Variants in CR1 observed in about 807,000 individuals in gnomAD.
The protein encoded by CR1 is complement receptor type 1.
A neutral mutation model predicts 187.3 loss-of-function variants in CR1; 116 were observed. The observed-to-expected ratio is 0.62, with a 90% CI of 0.53 to 0.72. The LOEUF (loss-of-function observed/expected upper bound fraction) is 0.72. CR1 is among the 30% of genes least tolerant of loss of function. The pLI is 0.00. For synonymous variants in CR1, 576 were observed against 747.1 expected, an observed-to-expected ratio of 0.77 and a Z score of 3.73; for missense variants, 1,731 against 2,110.7, an observed-to-expected ratio of 0.82 and a Z score of 3.52.
At chr1:207,508,911 T>C (rs11117949) in intron 3 of CR1, among the ~76,000 whole-genome samples, 29,112 of 152,100 alleles carry the variant, frequency 0.19, 3,117 homozygotes, top group South Asian at 0.44. Context: ...TGTCTCTGCC[T>C]ATGTAAGTGA....
chr1:207,574,239 G>C (rs1558239255), intron 27 of CR1, among the ~76,000 whole-genome samples: 2 of 152,154 alleles, frequency 1.3e-5, no homozygotes, highest in Non-Finnish European at 2.9e-5. Flanking sequence ...GCCATCACTA[G>C]GGAAACTTCT....
At position 207,639,637 on chromosome 1, in the gene CR1, C is replaced by T. The variant is rs1028781140; in HGVS notation, c.*228C>T. The T allele has an allele frequency of 2.6e-5, 13 of 496,262 alleles. No individual in the cohort carries two copies. The highest frequency in any genetic ancestry group is 5.3e-4 in the Middle Eastern group (1 of 1,898). The allele number at this position is 496,262 out of a possible 1,614,324, so 30.7% of individuals were successfully genotyped here. A position where few individuals can be genotyped will look rare whatever the true frequency, so the allele number is the denominator to read the frequency against. ...CCACCCTTCTGCCTCGTGCTAAACG[C>T]ACACAGTATCTAGTCAGGGGAAAAG... On this transcript the variant is annotated 3_prime_UTR_variant, in exon 47 of 47. Coordinates refer to ENST00000367049, the MANE Select transcript of CR1 (RefSeq NM_000651.6).
chr1:207,615,419 C>T (rs1050776475), intron 40 of CR1, among the ~76,000 whole-genome samples: 6 of 152,002 alleles, frequency 3.9e-5, no homozygotes, highest in South Asian at 2.1e-4. Flanking sequence ...TAAATTAGTA[C>T]GATGGAAGGA....
At chr1:207,515,676 C>A (rs1457684576) in intron 4 of CR1, among the ~76,000 whole-genome samples, 1 of 152,018 alleles carries the variant, frequency 6.6e-6, no homozygotes, top group Non-Finnish European at 1.5e-5. Context: ...ATCTTGAGTA[C>A]CTTTTCACGT....
intron 4 of CR1, among the ~76,000 whole-genome samples, chr1:207,513,734 T>TCTC (rs1424825610): frequency 1.7e-5 from 1 of 58,260 alleles, no homozygotes; most frequent in African/African-American, 8.8e-5. Flanking sequence ...CTCCCTCCTT[T>TCTC]CCTCCCTCCC....
chr1:207,587,336 G>A (rs1425198831), intron 33 of CR1, 50 bp from the exon 34 acceptor site: 12 of 1,498,090 alleles, frequency 8.0e-6, no homozygotes, highest in Non-Finnish European at 1.0e-5. Context: ...GAGGAGGTAG[G>A]GTGGAAGTCT....
chr1:207,515,499 T>C (rs1659783705), intron 4 of CR1, among the ~76,000 whole-genome samples: 1 of 151,992 alleles, frequency 6.6e-6, no homozygotes, highest in Non-Finnish European at 1.5e-5. Flanking sequence ...TTCTGATTTA[T>C]AACACTAATA....
At chr1:207,577,502 G>A (rs1208446229) in intron 28 of CR1, among the ~76,000 whole-genome samples, 1 of 152,150 alleles carries the variant, frequency 6.6e-6, no homozygotes, top group Non-Finnish European at 1.5e-5. Flanking sequence ...GGGCACGGTG[G>A]CTCACGCTTA....
rs1442305360 is a variant in CR1, at chr1:207,623,943, T to A, written c.7352+875T>A. Reference sequence around the variant, plus strand: ...TTTTTTTTTTTTTTTTTTTTTTTTTTAAGACCGAGTCTTGCTCTGTCACCC... The same window carrying A: ...TTTTTTTTTTTTTTTTTTTTTTTTTAAAGACCGAGTCTTGCTCTGTCACCC... On this transcript the variant is annotated intron_variant, in intron 45 of 46. Transcript: ENST00000367049. Among the ~76,000 whole-genome samples, 5 of 82,768 alleles carry A rather than the reference T, an allele frequency of 6.0e-5. No homozygotes were observed. In the East Asian group the frequency reaches 1.0e-3, roughly 17 times the overall value. 54.3% of individuals were successfully genotyped at this position (82,768 alleles called of 152,430 possible). A position where few individuals can be genotyped will look rare whatever the true frequency, so the allele number is the denominator to read the frequency against.
At position 207,614,342 on chromosome 1, in the gene CR1, G is replaced by A. The variant is rs528606999; in HGVS notation, c.6576-62G>A. Reference sequence around the variant, plus strand: ...GTGAGGAAGCTGAGCATCTATTAGCGAAGAAATCAAGGGAGAGATGGGAAT... The same window carrying A: ...GTGAGGAAGCTGAGCATCTATTAGCAAAGAAATCAAGGGAGAGATGGGAAT... On this transcript the variant is annotated intron_variant, in intron 39 of 46. Transcript: ENST00000367049. The A allele has an allele frequency of 1.2e-4, 154 of 1,331,194 alleles. No homozygotes were observed. In the South Asian group the frequency reaches 1.2e-3, roughly 10 times the overall value. 82.5% of individuals were successfully genotyped at this position (1,331,194 alleles called of 1,614,324 possible).
intron 35 of CR1, among the ~76,000 whole-genome samples, chr1:207,592,192 T>C (rs1444476132): frequency 6.6e-6 from 1 of 152,272 alleles, no homozygotes; most frequent in East Asian, 1.9e-4. Flanking sequence ...GCAAAAATCC[T>C]CAATAAAATA....
intron 23 of CR1, 91 bp downstream of exon 23, chr1:207,564,325 G>GACACAC (rs34180223): frequency 3.9e-6 from 6 of 1,537,190 alleles, no homozygotes; most frequent in Non-Finnish European, 8.8e-7. Context: ...TTAAAAGAAA[G>GACACAC]ACACACACAC....
chr1:207,609,951 T>G (rs986552348), intron 37 of CR1, among the ~76,000 whole-genome samples: 3 of 152,198 alleles, frequency 2.0e-5, no homozygotes, highest in South Asian at 2.1e-4. Flanking sequence ...CCCATTTTAC[T>G]TTGAGAGAAC....
At chr1:207,576,890 T>C (rs1215325507) in intron 28 of CR1, among the ~76,000 whole-genome samples, 1 of 152,176 alleles carries the variant, frequency 6.6e-6, no homozygotes, top group African/African-American at 2.4e-5. Context: ...GCCTTCTATA[T>C]AGAGAGAACT....
intron 35 of CR1, among the ~76,000 whole-genome samples, chr1:207,598,120 A>G (rs1280576406): frequency 1.3e-5 from 2 of 152,222 alleles, no homozygotes; most frequent in Non-Finnish European, 2.9e-5. Context: ...CAATACATCC[A>G]GTTTCTCATT....
chr1:207,574,411 G>A (rs1660671467), intron 27 of CR1, among the ~76,000 whole-genome samples: 1 of 152,084 alleles, frequency 6.6e-6, no homozygotes, highest in Non-Finnish European at 1.5e-5. Flanking sequence ...CACACCTAGA[G>A]GCTCCAGATA....
chr1:207,602,813 G>A (rs751879345), intron 35 of CR1, among the ~76,000 whole-genome samples: 1 of 151,914 alleles, frequency 6.6e-6, no homozygotes, highest in East Asian at 1.9e-4. Context: ...GTGAGATATC[G>A]AGTAAAAAAT....
chr1:207,601,677 A>G (rs778481183), intron 35 of CR1, among the ~76,000 whole-genome samples: 1 of 152,142 alleles, frequency 6.6e-6, no homozygotes, highest in African/African-American at 2.4e-5. Context: ...GATGTGGAGC[A>G]TCTTTTCTTG....
chr1:207,610,241 T>C (rs770499328), intron 37 of CR1, among the ~76,000 whole-genome samples: 4 of 152,290 alleles, frequency 2.6e-5, no homozygotes, highest in South Asian at 4.1e-4. Flanking sequence ...TATATATGTA[T>C]ATACACACAC....
Sources: gnomAD v4.1 joint callset for allele counts (sites outside exome capture counted in the v4.1 genomes callset) on GRCh38, gnomAD v4.1.1 for gene constraint, MANE v1.5 for transcripts, NCBI Gene and HGNC (gene_info 2026-07-23, HGNC 2026-07-21) for gene names.